The following LARP1 variants were observed in gnomAD, a reference collection of about 807,000 sequenced individuals.
LARP1 encodes La ribonucleoprotein 1, translational regulator, also known as la-related protein 1.
Under a neutral mutation model 122.7 loss-of-function variants are expected in LARP1, and 36 were observed. The ratio of observed to expected loss-of-function variants is 0.29; its 90% CI spans 0.22 to 0.39. The LOEUF (loss-of-function observed/expected upper bound fraction) is 0.39, where lower values mean the gene tolerates loss of function less well. Among genes scored for constraint, LARP1 ranks in the 10% least tolerant of loss-of-function variants. The pLI, the probability that LARP1 is intolerant of heterozygous loss-of-function variation, is 1.00. For missense variants in LARP1, 1,040 were observed against 1,403.6 expected (o/e 0.74, Z 4.14); for synonymous variants, 539 against 528.7 (o/e 1.02, Z -0.27).
Position 154,692,443 on chromosome 5 carries a change from T to C in LARP1, c.-180+9406T>C, listed in dbSNP as rs542520922. Among the ~76,000 whole-genome samples the C allele has an allele frequency of 3.9e-5, 6 of 152,284 alleles. No individual in the cohort carries two copies. In the East Asian group the frequency reaches 9.7e-4, roughly 25 times the overall value. On this transcript the variant is annotated intron_variant, in intron 1 of 18. Coordinates refer to the LARP1 transcript ENST00000687700. The stretch of plus-strand genomic sequence containing the variant: ...CACTCAACTCACCCTAAGTGCTTGT[T>C]ATTATAATTCTCAGCCCACATTTGG...
chr5:154,815,560 C>T lies in LARP1; in HGVS notation c.*1464C>T, dbSNP rs1759611781. ...AAGGTGGAGAAAGATGCCATTCTCT[C>T]CCTAAGGTCTGGTGGAGTCTCCCCA... is the stretch of plus-strand genomic sequence containing the variant. On this transcript the variant is annotated 3_prime_UTR_variant, in exon 19 of 19. Transcript: ENST00000518297. 6.6e-6 allele frequency: 1 copy of T among 152,156 alleles called. No individual in the cohort carries two copies. The highest frequency in any genetic ancestry group is 1.5e-5 in the Non-Finnish European group (1 of 68,046). The allele number at this position is 152,156 out of a possible 1,614,324, so 9.4% of individuals were successfully genotyped here.
chr5:154,698,329 G>T (rs1462114499), intron 1 of LARP1, among the ~76,000 whole-genome samples: 1 of 152,198 alleles, frequency 6.6e-6, no homozygotes, highest in Non-Finnish European at 1.5e-5. Flanking sequence ...GGGCACTGTG[G>T]CTCACGCCTG....
At chr5:154,781,795 G>T (rs1448384357) in intron 1 of LARP1, among the ~76,000 whole-genome samples, 1 of 152,190 alleles carries the variant, frequency 6.6e-6, no homozygotes, top group Non-Finnish European at 1.5e-5. Flanking sequence ...TAGTGTTAGT[G>T]TGTTTTACGT....
intron 15 of LARP1, among the ~76,000 whole-genome samples, chr5:154,807,935 T>G (rs1337625208): frequency 6.6e-6 from 1 of 152,256 alleles, no homozygotes; most frequent in Non-Finnish European, 1.5e-5. Flanking sequence ...TGCAAATATT[T>G]TCTCTGATTC....
At chr5:154,729,937 C>T (rs540876691) in intron 1 of LARP1, among the ~76,000 whole-genome samples, 2 of 152,170 alleles carry the variant, frequency 1.3e-5, no homozygotes, top group Non-Finnish European at 2.9e-5. Context: ...AGTCAATCTG[C>T]ATGACTACAA....
intron 1 of LARP1, among the ~76,000 whole-genome samples, chr5:154,695,652 G>A (rs913272603): frequency 1.3e-5 from 2 of 150,580 alleles, no homozygotes; most frequent in South Asian, 2.1e-4. Flanking sequence ...GCAAGGCTCC[G>A]TCTCAAAAAA....
chr5:154,715,856 T>G (rs1367172380), intron 1 of LARP1, among the ~76,000 whole-genome samples: 1 of 152,244 alleles, frequency 6.6e-6, no homozygotes, highest in Non-Finnish European at 1.5e-5. Flanking sequence ...ACAATTTTAC[T>G]AGATGTTTTG....
At chr5:154,766,369 G>C (rs1050695619) in intron 1 of LARP1, among the ~76,000 whole-genome samples, 1 of 152,228 alleles carries the variant, frequency 6.6e-6, no homozygotes, top group African/African-American at 2.4e-5. Flanking sequence ...TTAGGGCAAG[G>C]TTCCCAGATT....
At chr5:154,794,399 G>A (rs1757584612) in intron 7 of LARP1, 137 bp downstream of exon 7, 10 of 764,330 alleles carry the variant, frequency 1.3e-5, no homozygotes, top group Admixed American at 3.0e-5. Flanking sequence ...TTTTCTCATT[G>A]TTTATTAAAG....
At chr5:154,729,948 C>T (rs1273961407) in intron 1 of LARP1, among the ~76,000 whole-genome samples, 2 of 152,198 alleles carry the variant, frequency 1.3e-5, no homozygotes, top group Non-Finnish European at 2.9e-5. Context: ...ATGACTACAA[C>T]TGCATGAGTG....
chr5:154,787,988 C>T (rs1312214115), intron 1 of LARP1, among the ~76,000 whole-genome samples: 1 of 152,210 alleles, frequency 6.6e-6, no homozygotes, highest in East Asian at 1.9e-4. Context: ...GAATACCTTG[C>T]CCTCTACCTG....
intron 1 of LARP1, 85 bp from the exon 2 acceptor site, chr5:154,790,240 T>A: frequency 8.9e-7 from 1 of 1,117,634 alleles, no homozygotes; most frequent in Non-Finnish European, 1.3e-6. Flanking sequence ...CTAGGTGGAG[T>A]GGGGACGGTG....
chr5:154,716,548 A>C (rs1230612760), intron 1 of LARP1, among the ~76,000 whole-genome samples: 2 of 152,182 alleles, frequency 1.3e-5, no homozygotes. Flanking sequence ...TCCAGGGTTC[A>C]AGCGATCCTC....
At chr5:154,706,330 AT>A (rs1197534993) in intron 1 of LARP1, among the ~76,000 whole-genome samples, 6 of 140,390 alleles carry the variant, frequency 4.3e-5, no homozygotes, top group South Asian at 2.4e-4. Context: ...AATAATAATA[AT>A]AATAAAATGT....
chr5:154,750,145 A>G (rs1338484961), intron 1 of LARP1, among the ~76,000 whole-genome samples: 1 of 152,250 alleles, frequency 6.6e-6, no homozygotes, highest in Non-Finnish European at 1.5e-5. Context: ...TTGTCAGCAC[A>G]AGGAGCAAAC....
In LARP1 at chr5:154,794,096, A is replaced by C. The variant is rs749817061; in HGVS notation, c.1070-4A>C. 1 of 1,614,114 alleles carries C rather than the reference A, an allele frequency of 6.2e-7. No individual in the cohort carries two copies. The highest frequency in any genetic ancestry group is 8.5e-7 in the Non-Finnish European group (1 of 1,179,986). ...CTCCCTCATGGCACCCGTTTCCCCC[A>C]TAGCCCATTTTGACTACCAGTTTGG... On this transcript the variant is annotated splice_polypyrimidine_tract_variant and splice_region_variant and intron_variant, in intron 6 of 18. Transcript: ENST00000518297.
chr5:154,791,554 A>C (rs191125477), intron 3 of LARP1, among the ~76,000 whole-genome samples: 1 of 152,314 alleles, frequency 6.6e-6, no homozygotes, highest in East Asian at 1.9e-4. Flanking sequence ...GAATCTGAGC[A>C]ACATTGAAAT....
intron 16 of LARP1, among the ~76,000 whole-genome samples, chr5:154,809,494 T>A (rs1419505757): frequency 6.6e-6 from 1 of 152,048 alleles, no homozygotes; most frequent in Non-Finnish European, 1.5e-5. Flanking sequence ...CTTCTTGGCA[T>A]ATTTAATGTA....
intron 1 of LARP1, among the ~76,000 whole-genome samples, chr5:154,696,183 A>G (rs150993669): frequency 3.9e-4 from 59 of 151,862 alleles, no homozygotes; most frequent in African/African-American, 1.4e-3. Context: ...ACGGAGAAAC[A>G]CTTTTTCTAC....
Sources: gnomAD v4.1 joint callset for allele counts (sites outside exome capture counted in the v4.1 genomes callset) on GRCh38, gnomAD v4.1.1 for gene constraint, MANE v1.5 for transcripts, NCBI Gene and HGNC (gene_info 2026-07-23, HGNC 2026-07-21) for gene names.